The following SIPA1L3 variants were observed in gnomAD, a reference collection of about 807,000 sequenced individuals.
The protein encoded by SIPA1L3 is signal induced proliferation associated 1 like 3, also known as signal-induced proliferation-associated 1-like protein 3.
A neutral mutation model predicts 150.1 loss-of-function variants in SIPA1L3; 59 were observed. The observed-to-expected ratio is 0.39, with a 90% CI of 0.32 to 0.49. The LOEUF (loss-of-function observed/expected upper bound fraction) is 0.49. Among genes scored for constraint, SIPA1L3 ranks in the 20% least tolerant of loss-of-function variants. The pLI is 0.86. For missense variants in SIPA1L3, 2,211 were observed against 2,489.5 expected (o/e 0.89, Z 2.38); for synonymous variants, 1,070 against 1,077.6 (o/e 0.99, Z 0.14).
chr19:38,152,062 G>T (rs1170251852), intron 12 of SIPA1L3, among the ~76,000 whole-genome samples: 1 of 152,080 alleles, frequency 6.6e-6, no homozygotes, highest in African/African-American at 2.4e-5. Context: ...CTTGCATGTG[G>T]GTGTGCGAAG....
At chr19:37,965,729 C>G (rs2046898513) in intron 1 of SIPA1L3, among the ~76,000 whole-genome samples, 1 of 145,180 alleles carries the variant, frequency 6.9e-6, no homozygotes, top group Admixed American at 7.0e-5. Context: ...CACCCCTAGT[C>G]CCTGCATTCT....
chr19:37,927,725 G>GA (rs2046518864), intron 1 of SIPA1L3, among the ~76,000 whole-genome samples: 1 of 147,250 alleles, frequency 6.8e-6, no homozygotes, highest in African/African-American at 2.5e-5. Context: ...GTAAGAACAT[G>GA]GGGTGTGTGT....
At chr19:38,111,572 G>C (rs1015668245) in intron 8 of SIPA1L3, among the ~76,000 whole-genome samples, 2 of 152,198 alleles carry the variant, frequency 1.3e-5, no homozygotes, top group African/African-American at 4.8e-5. Context: ...AGTAGTCACC[G>C]CGAAATTACC....
At chr19:38,005,567 C>T (rs1314975092) in intron 1 of SIPA1L3, among the ~76,000 whole-genome samples, 1 of 152,212 alleles carries the variant, frequency 6.6e-6, no homozygotes, top group Non-Finnish European at 1.5e-5. Flanking sequence ...GAAGCCCACC[C>T]CGCCCTTCTT....
chr19:38,157,585 A>G (rs1971978326), intron 13 of SIPA1L3, among the ~76,000 whole-genome samples: 1 of 152,156 alleles, frequency 6.6e-6, no homozygotes, highest in Admixed American at 6.5e-5. Flanking sequence ...GGCTGCCCAG[A>G]GACTGTGCCT....
chr19:38,101,821 C>T (rs1470600389), intron 6 of SIPA1L3, among the ~76,000 whole-genome samples: 1 of 152,146 alleles, frequency 6.6e-6, no homozygotes, highest in East Asian at 1.9e-4. Context: ...CTAATGTGCA[C>T]GTGCATGGCA....
intron 1 of SIPA1L3, among the ~76,000 whole-genome samples, chr19:37,989,665 C>CTTTTT (rs74174502): frequency 1.6e-5 from 2 of 127,608 alleles, no homozygotes; most frequent in Non-Finnish European, 1.6e-5. Context: ...AGGATGAATT[C>CTTTTT]TTTTTTTTTT....
rs1007872745 is a variant in SIPA1L3, at chr19:38,082,462, G to T, written c.897G>T (p.Ser299=). The T allele has an allele frequency of 2.0e-5, 31 of 1,589,548 alleles. No homozygotes were observed. Among genetic ancestry groups the T allele is most frequent in the Non-Finnish European group, 2.7e-5 (31 of 1,168,466 alleles). ...RGLGGGDTVD[S]SIFRKLRSSK... ...TCGGCGGCGGGGACACGGTGGACTC[G>T]TCCATCTTTCGGAAGCTAAGGAGCA... Residue 299 remains serine (S), a synonymous_variant, in exon 3 of 22, where the codon TCG becomes TCT. Transcript: ENST00000222345.
At chr19:38,043,007 C>T (rs566906263) in intron 2 of SIPA1L3, among the ~76,000 whole-genome samples, 2 of 152,272 alleles carry the variant, frequency 1.3e-5, no homozygotes, top group African/African-American at 4.8e-5. Context: ...GATAATGCTG[C>T]CTACATCATA....
intron 6 of SIPA1L3, 92 bp downstream of exon 6, chr19:38,101,318 G>T: frequency 1.1e-6 from 1 of 924,262 alleles, no homozygotes; most frequent in Non-Finnish European, 1.5e-6. Context: ...CCACGGTGGG[G>T]ACGTGGAGCA....
At position 38,081,769 on chromosome 19, in the gene SIPA1L3, C is replaced by G; in HGVS notation, c.204C>G (p.Ser68Arg). ...TATATATTRP[S>R]PTTPAMPKMG... Reference sequence around the variant, plus strand: ...CCGCCACCGCCACCACCCGCCCCAGCCCCACCACTCCCGCAATGCCCAAGA... The same window carrying G: ...CCGCCACCGCCACCACCCGCCCCAGGCCCACCACTCCCGCAATGCCCAAGA... Residue 68 changes from serine (S) to arginine (R), a missense_variant, in exon 3 of 22, where the codon AGC becomes AGG. Coordinates refer to ENST00000222345, the MANE Select transcript of SIPA1L3 (RefSeq NM_015073.3). The G allele has an allele frequency of 6.2e-7, 1 of 1,608,356 alleles. No homozygotes were observed. The highest frequency in any genetic ancestry group is 8.5e-7 in the Non-Finnish European group (1 of 1,178,170).
intron 4 of SIPA1L3, among the ~76,000 whole-genome samples, chr19:38,092,662 C>T (rs73630883): frequency 0.02 from 3,105 of 152,236 alleles, 114 homozygotes; most frequent in African/African-American, 0.071. Flanking sequence ...AGCGTTCCCC[C>T]GTCCCAGCTC....
intron 2 of SIPA1L3, among the ~76,000 whole-genome samples, chr19:38,040,855 G>T (rs1394788665): frequency 1.3e-5 from 2 of 152,210 alleles, no homozygotes; most frequent in Middle Eastern, 3.4e-3. Context: ...CCGCCTCCTG[G>T]GTTCACGCCA....
chr19:38,123,979 C>G (rs1331888730), intron 9 of SIPA1L3, among the ~76,000 whole-genome samples: 15 of 148,550 alleles, frequency 1.0e-4, no homozygotes, highest in Non-Finnish European at 2.3e-4. Flanking sequence ...GGGCCAACCC[C>G]CCCCCACCTC....
intron 8 of SIPA1L3, among the ~76,000 whole-genome samples, chr19:38,112,345 C>G (rs971298735): frequency 6.6e-6 from 1 of 152,118 alleles, no homozygotes; most frequent in Non-Finnish European, 1.5e-5. Context: ...AAGGAGGCAG[C>G]CTTCTTATGA....
chr19:37,964,904 A>G (rs1568481769), intron 1 of SIPA1L3: 1 of 152,194 alleles, frequency 6.6e-6, no homozygotes, highest in Non-Finnish European at 1.5e-5. Context: ...AGGCCTGGAC[A>G]TCAGCATATA....
intron 6 of SIPA1L3, among the ~76,000 whole-genome samples, chr19:38,101,890 G>T (rs1970511948): frequency 6.6e-6 from 1 of 152,192 alleles, no homozygotes; most frequent in Non-Finnish European, 1.5e-5. Flanking sequence ...CACACTGGCA[G>T]AGTTGCGCCG....
intron 2 of SIPA1L3, among the ~76,000 whole-genome samples, chr19:38,068,333 A>T (rs573708580): frequency 1.3e-5 from 2 of 152,094 alleles, no homozygotes; most frequent in Non-Finnish European, 2.9e-5. Context: ...CCGGCCGAAA[A>T]ATCAGATTCT....
intron 1 of SIPA1L3, among the ~76,000 whole-genome samples, chr19:37,988,168 C>T (rs956812692): frequency 2.0e-5 from 3 of 152,114 alleles, no homozygotes; most frequent in East Asian, 3.9e-4. Flanking sequence ...CCTGAGGTCA[C>T]GGCCCTCCCC....
Sources: gnomAD v4.1 joint callset for allele counts (sites outside exome capture counted in the v4.1 genomes callset) on GRCh38, gnomAD v4.1.1 for gene constraint, MANE v1.5 for transcripts, NCBI Gene and HGNC (gene_info 2026-07-23, HGNC 2026-07-21) for gene names.